PCDHGB4: variants seen among roughly 807,000 people sequenced by gnomAD.
The protein encoded by PCDHGB4 is protocadherin gamma subfamily B, 4, also known as protocadherin gamma-B4.
PCDHGB4 carries 38 observed loss-of-function variants against 60.5 expected under a neutral mutation model. The ratio of observed to expected loss-of-function variants is 0.63; its 90% confidence interval spans 0.48 to 0.82. The LOEUF (loss-of-function observed/expected upper bound fraction) is 0.82, where lower values mean the gene tolerates loss of function less well. Ranked by LOEUF, PCDHGB4 falls within the 40% of genes least tolerant of loss-of-function variation. The pLI, the probability that PCDHGB4 is intolerant of heterozygous loss-of-function variation, is 0.00. For missense variants in PCDHGB4, 1,109 were observed against 1,209.6 expected, an observed-to-expected ratio of 0.92 and a Z score of 1.23; for synonymous variants, 456 against 509.7, an observed-to-expected ratio of 0.89 and a Z score of 1.42.
intron 1 of PCDHGB4, chr5:141,427,757 C>A: frequency 7.5e-7 from 1 of 1,340,702 alleles, no homozygotes; most frequent in Non-Finnish European, 1.1e-6. Flanking sequence ...CCATCGTTAC[C>A]ACTGACTTGG....
intron 1 of PCDHGB4, chr5:141,399,805 T>G (rs776266997): frequency 6.2e-7 from 1 of 1,613,192 alleles, no homozygotes; most frequent in Admixed American, 1.7e-5. Context: ...GCGGGTGCTG[T>G]ACCCCGCGCT....
intron 1 of PCDHGB4, chr5:141,409,000 C>T (rs779251035): frequency 6.2e-7 from 1 of 1,613,950 alleles, no homozygotes; most frequent in South Asian, 1.1e-5. Context: ...AAGTGACAGC[C>T]ACTGACCAGG....
At chr5:141,505,353 G>A (rs376781305) in intron 2 of PCDHGB4, 40 bp from the exon 3 acceptor site, 51 of 1,613,426 alleles carry the variant, frequency 3.2e-5, no homozygotes, top group East Asian at 2.7e-4. Flanking sequence ...GAGCTGTGCC[G>A]GCCTGGGAGT....
chr5:141,463,142 C>T (rs1229364880), intron 1 of PCDHGB4, among the ~76,000 whole-genome samples: 1 of 152,160 alleles, frequency 6.6e-6, no homozygotes, highest in Non-Finnish European at 1.5e-5. Context: ...CTTCGCCCAG[C>T]TGCAGAAAAG....
chr5:141,495,005 CG>C (rs2099758180), intron 2 of PCDHGB4, 140 bp downstream of exon 2: 2 of 1,522,694 alleles, frequency 1.3e-6, no homozygotes, highest in African/African-American at 1.4e-5. Context: ...TCTTGGTGTG[CG>C]GGGGGCTGGC....
chr5:141,496,234 T>C (rs2154591884), intron 2 of PCDHGB4, among the ~76,000 whole-genome samples: 1 of 152,232 alleles, frequency 6.6e-6, no homozygotes, highest in Middle Eastern at 3.4e-3. Context: ...AGGAACCCCC[T>C]GCGGGCTGAA....
intron 1 of PCDHGB4, chr5:141,427,571 G>T (rs1199845374): frequency 9.1e-6 from 6 of 662,944 alleles, no homozygotes; most frequent in Non-Finnish European, 1.7e-5. Context: ...GCAAGCCTCC[G>T]CTCTCATCCA....
Position 141,399,470 on chromosome 5 carries a change from T to C in PCDHGB4, c.2397+9189T>C, listed in dbSNP as rs773359741. 70 of 1,614,018 alleles carry C rather than the reference T, an allele frequency of 4.3e-5. No individual in the cohort carries two copies. The Middle Eastern group carries it at 4.9e-4, about 11-fold the overall frequency. On this transcript the variant is annotated intron_variant, in intron 1 of 3. Coordinates refer to ENST00000519479, the MANE Select transcript of PCDHGB4 (RefSeq NM_003736.4). ...GACGTCAACGATAACGCTCCGGTTT[T>C]CCACCAGGCGTCCTACTTAGTCAGT... is the stretch of plus-strand genomic sequence containing the variant.
Position 141,395,117 on chromosome 5 carries a change from G to C in PCDHGB4, c.2397+4836G>C. 4 of 1,614,192 alleles carry C rather than the reference G, an allele frequency of 2.5e-6. No homozygotes were observed. The South Asian group carries it at 4.4e-5, about 18-fold the overall frequency. ...CCGCCGACTCGCGGAAGAGTCACCT[G>C]ATCTTTCCCCAGCCCAACTACGCAG... On this transcript the variant is annotated intron_variant, in intron 1 of 3. Coordinates refer to ENST00000519479, the MANE Select transcript of PCDHGB4 (RefSeq NM_003736.4).
In PCDHGB4 at chr5:141,388,952, G is replaced by GGAC; in HGVS notation, c.1070_1072dup (p.Asp357dup). The GGAC allele has an allele frequency of 6.2e-7, 1 of 1,614,022 alleles. No individual in the cohort carries two copies. Among genetic ancestry groups the GGAC allele is most frequent in the Non-Finnish European group, 8.5e-7 (1 of 1,179,886 alleles). ...AGTCTCTACCCAACCTAATTATGGA[G>GGAC]GACGCCGAGCTGGGAACACATATTG... On this transcript the variant is annotated inframe_insertion, in exon 1 of 4. Transcript: ENST00000519479.
At chr5:141,393,158 ACT>A (rs768666493) in intron 1 of PCDHGB4, 1 of 1,613,126 alleles carries the variant, frequency 6.2e-7, no homozygotes, top group East Asian at 2.2e-5. Context: ...ATAAAGGAAA[ACT>A]CTTTGGGGTA....
chr5:141,451,682 G>GA (rs1401536376), intron 1 of PCDHGB4, among the ~76,000 whole-genome samples: 1 of 152,128 alleles, frequency 6.6e-6, no homozygotes, highest in Non-Finnish European at 1.5e-5. Flanking sequence ...AGGAGTTCAA[G>GA]ACCAGCCTGG....
intron 1 of PCDHGB4, chr5:141,411,384 A>G (rs1280664726): frequency 6.6e-6 from 1 of 152,092 alleles, no homozygotes; most frequent in Non-Finnish European, 1.5e-5. Context: ...AGCCTGGGCA[A>G]TATAGGGAGA....
chr5:141,409,476 C>T (rs1195323775), intron 1 of PCDHGB4: 1 of 1,613,982 alleles, frequency 6.2e-7, no homozygotes, highest in South Asian at 1.1e-5. Context: ...ATCGTAGCCA[C>T]TGACAGGGGC....
rs181202785 is a variant in PCDHGB4, at chr5:141,458,320, G to A, written c.2398-36487G>A. On this transcript the variant is annotated intron_variant, in intron 1 of 3. Transcript: ENST00000519479. ...TTTAGATAAAATGACACAGACACAT[G>A]TGGAGTGGTTTTAAGGAGTGGAGAG... is the stretch of plus-strand genomic sequence containing the variant. Among the ~76,000 whole-genome samples the A allele has an allele frequency of 3.2e-3, 490 of 152,250 alleles. 4 individuals are homozygous for A. The highest frequency in any genetic ancestry group is 0.017 in the Middle Eastern group (5 of 294).
chr5:141,461,303 G>T (rs1390421489), intron 1 of PCDHGB4, among the ~76,000 whole-genome samples: 2 of 152,074 alleles, frequency 1.3e-5, no homozygotes, highest in Non-Finnish European at 2.9e-5. Flanking sequence ...AACATCTATT[G>T]TTTTTTGACT....
rs758463890 is a variant in PCDHGB4 at position 141,394,966 on chromosome 5, G to A, written c.2397+4685G>A. On this transcript the variant is annotated intron_variant, in intron 1 of 3. Coordinates refer to ENST00000519479, the MANE Select transcript of PCDHGB4 (RefSeq NM_003736.4). ...GTGCTTCTGGGGCTCAGGCTGAGGCGCTGGCACAAGTCACGCCTGCTCCAG... is the reference window on the plus strand; with the variant it reads ...GTGCTTCTGGGGCTCAGGCTGAGGCACTGGCACAAGTCACGCCTGCTCCAG... 11 of 1,613,768 alleles carry A rather than the reference G, an allele frequency of 6.8e-6. No homozygotes were observed. In the African/African-American group the frequency reaches 9.3e-5, roughly 14 times the overall value.
In PCDHGB4 at chr5:141,405,105, A is replaced by T. The variant is rs1239308721; in HGVS notation, c.2397+14824A>T. The T allele has an allele frequency of 5.6e-6, 9 of 1,613,756 alleles. No individual in the cohort carries two copies. In the Admixed American group the frequency reaches 1.5e-4, roughly 27 times the overall value. Reference sequence around the variant, plus strand: ...ACGCTGCTGGCCCTCAGGCTGAGGCACTGGCACTCCTCGCATCTGCTGCGG... The same window carrying T: ...ACGCTGCTGGCCCTCAGGCTGAGGCTCTGGCACTCCTCGCATCTGCTGCGG... On this transcript the variant is annotated intron_variant, in intron 1 of 3. Coordinates refer to ENST00000519479, the MANE Select transcript of PCDHGB4 (RefSeq NM_003736.4).
intron 1 of PCDHGB4, chr5:141,409,493 CCT>C (rs1312265786): frequency 6.2e-6 from 10 of 1,614,012 alleles, no homozygotes; most frequent in Non-Finnish European, 7.6e-6. Context: ...GGGCAAGCCG[CCT>C]CTTTCTTCCA....
Sources: allele counts gnomAD v4.1 joint callset (sites outside exome capture counted in the v4.1 genomes callset), GRCh38; gene constraint gnomAD v4.1.1; transcripts MANE v1.5; gene names NCBI Gene and HGNC (gene_info 2026-07-23, HGNC 2026-07-21).